Variants in GRIN2A observed in about 807,000 individuals in gnomAD.
GRIN2A encodes the protein glutamate ionotropic receptor NMDA type subunit 2A, also known as glutamate receptor ionotropic, NMDA 2A.
GRIN2A carries 22 observed loss-of-function variants against 113.4 expected under a neutral mutation model. The ratio of observed to expected loss-of-function variants is 0.19; its 90% confidence interval spans 0.14 to 0.28. The LOEUF is 0.28. GRIN2A is among the 10% of genes least tolerant of loss of function. The pLI, the probability that GRIN2A is intolerant of heterozygous loss-of-function variation, is 1.00. For missense variants in GRIN2A, 1,502 were observed against 1,887.0 expected, an observed-to-expected ratio of 0.80 and a Z score of 3.78; for synonymous variants, 827 against 738.4, an observed-to-expected ratio of 1.12 and a Z score of -1.94.
chr16:9,883,291 A>G (rs1221068174), intron 4 of GRIN2A, among the ~76,000 whole-genome samples: 1 of 152,236 alleles, frequency 6.6e-6, no homozygotes, highest in Non-Finnish European at 1.5e-5. Flanking sequence ...AGAGGGGTCC[A>G]TTTGTGCACT....
intron 11 of GRIN2A, among the ~76,000 whole-genome samples, chr16:9,772,294 C>T (rs1270544850): frequency 2.0e-5 from 3 of 152,200 alleles, no homozygotes; most frequent in Non-Finnish European, 4.4e-5. Context: ...ACGGCTGCTT[C>T]CTCTTCTCAC....
At chr16:9,771,051 G>A (rs1193585976) in intron 11 of GRIN2A, among the ~76,000 whole-genome samples, 3 of 152,198 alleles carry the variant, frequency 2.0e-5, no homozygotes, top group Non-Finnish European at 4.4e-5. Flanking sequence ...AACAATGAAT[G>A]AGAGAGCTCC....
chr16:9,825,970 G>A (rs201118870), intron 9 of GRIN2A, among the ~76,000 whole-genome samples: 82 of 151,334 alleles, frequency 5.4e-4, no homozygotes, highest in African/African-American at 1.9e-3. Flanking sequence ...GATGGAAGGA[G>A]TAGGAGGAGA....
chr16:9,951,655 G>A (rs2045184668), intron 2 of GRIN2A, among the ~76,000 whole-genome samples: 1 of 152,190 alleles, frequency 6.6e-6, no homozygotes, highest in Admixed American at 6.5e-5. Context: ...GGAAAAGGGA[G>A]AGATTTTAAC....
chr16:9,868,057 C>G (rs897546594), intron 4 of GRIN2A, among the ~76,000 whole-genome samples: 1 of 152,192 alleles, frequency 6.6e-6, no homozygotes, highest in African/African-American at 2.4e-5. Flanking sequence ...ATTCATCTCT[C>G]TTCTGCCACC....
rs1491080956 is a variant in GRIN2A at position 9,898,074 on chromosome 16, TTG to T, written c.1008-6976_1008-6975del. Reference sequence around the variant, plus strand: ...ATTTCCTTTTTTTTTTTTTTTTTTTTTGCAAAAATGGATTAAGTTAAACCATA... The same window carrying T: ...ATTTCCTTTTTTTTTTTTTTTTTTTTCAAAAATGGATTAAGTTAAACCATA... On this transcript the variant is annotated intron_variant, in intron 3 of 12. Transcript: ENST00000330684. 4.9e-3 allele frequency among the ~76,000 whole-genome samples: 697 copies of T among 142,438 alleles called. 6 individuals carry two copies. Among genetic ancestry groups the T allele is most frequent in the African/African-American group, 0.015 (542 of 36,852 alleles). 93.4% of individuals were successfully genotyped at this position (142,438 alleles called of 152,430 possible).
chr16:10,063,324 A>G (rs2047586599), intron 2 of GRIN2A, among the ~76,000 whole-genome samples: 1 of 152,206 alleles, frequency 6.6e-6, no homozygotes. Flanking sequence ...TATACCCATG[A>G]AACAACCCAG....
rs529896965 is a variant in GRIN2A, at chr16:10,061,536, A to G, written c.414+118462T>C. On this transcript the variant is annotated intron_variant, in intron 2 of 12. Coordinates refer to ENST00000330684, the MANE Select transcript of GRIN2A (RefSeq NM_001134407.3). Reference sequence around the variant, plus strand: ...TCAACTGTGTGTCTCACTTTGATTGATGGGGTGCCATCAAAAGCAAAATTT... The same window carrying G: ...TCAACTGTGTGTCTCACTTTGATTGGTGGGGTGCCATCAAAAGCAAAATTT... Among the ~76,000 whole-genome samples the G allele has an allele frequency of 3.2e-3, 493 of 152,288 alleles. 3 individuals carry two copies. Among genetic ancestry groups the G allele is most frequent in the Non-Finnish European group, 4.8e-3 (328 of 68,010 alleles).
chr16:10,156,080 C>T (rs947135767), intron 2 of GRIN2A, among the ~76,000 whole-genome samples: 1 of 152,198 alleles, frequency 6.6e-6, no homozygotes, highest in African/African-American at 2.4e-5. Context: ...GCCCAGGGTC[C>T]AGGAAAACTG....
chr16:10,005,539 C>G (rs1224711135), intron 2 of GRIN2A, among the ~76,000 whole-genome samples: 2 of 152,166 alleles, frequency 1.3e-5, no homozygotes, highest in African/African-American at 4.8e-5. Flanking sequence ...AAGAGGTAAA[C>G]TGGGGGGGTC....
chr16:10,177,105 C>T (rs1018450376), intron 2 of GRIN2A, among the ~76,000 whole-genome samples: 2 of 152,168 alleles, frequency 1.3e-5, no homozygotes, highest in Admixed American at 1.3e-4. Flanking sequence ...GAGTTTTAAA[C>T]AATGCACCGT....
At chr16:10,111,944 C>A (rs2048623253) in intron 2 of GRIN2A, 1 of 737,680 alleles carries the variant, frequency 1.4e-6, no homozygotes, top group African/African-American at 1.7e-5. Context: ...CTGATGGTGG[C>A]TCCAGCAGGC....
chr16:9,809,899 C>T (rs1181289220), intron 10 of GRIN2A, among the ~76,000 whole-genome samples: 1 of 152,150 alleles, frequency 6.6e-6, no homozygotes, highest in African/African-American at 2.4e-5. Flanking sequence ...GAAGCCCCAT[C>T]TCTACTAAAA....
intron 4 of GRIN2A, among the ~76,000 whole-genome samples, chr16:9,862,261 T>C (rs1408406238): frequency 3.9e-5 from 6 of 152,240 alleles, no homozygotes; most frequent in African/African-American, 1.4e-4. Flanking sequence ...TTAATTAAAT[T>C]CCTCTCAGTT....
intron 2 of GRIN2A, among the ~76,000 whole-genome samples, chr16:10,056,902 G>A (rs1463045973): frequency 1.3e-5 from 2 of 152,106 alleles, no homozygotes; most frequent in African/African-American, 2.4e-5. Context: ...GAAGTTTGCA[G>A]GACTTTGTTG....
At chr16:9,833,052 T>A (rs1485746288) in intron 8 of GRIN2A, among the ~76,000 whole-genome samples, 3 of 152,210 alleles carry the variant, frequency 2.0e-5, no homozygotes, top group Non-Finnish European at 4.4e-5. Flanking sequence ...CTCTACCATA[T>A]CAAGTCATTT....
chr16:9,769,228 A>G (rs1901107721), intron 11 of GRIN2A, 139 bp from the exon 12 acceptor site: 5 of 716,106 alleles, frequency 7.0e-6, no homozygotes, highest in East Asian at 2.6e-5. Flanking sequence ...CTGGGTTTCC[A>G]TTTGCTCACT....
intron 12 of GRIN2A, among the ~76,000 whole-genome samples, chr16:9,766,559 T>G (rs1900934647): frequency 6.6e-6 from 1 of 152,164 alleles, no homozygotes; most frequent in South Asian, 2.1e-4. Context: ...TGTGGTCTCC[T>G]TCTATATATA....
At chr16:9,991,231 T>C (rs12102487) in intron 2 of GRIN2A, among the ~76,000 whole-genome samples, 4,032 of 152,216 alleles carry the variant, frequency 0.026, 189 homozygotes, top group African/African-American at 0.093. Context: ...TAATATCAGG[T>C]AGTATTATTA....
Sources: allele counts gnomAD v4.1 joint callset (sites outside exome capture counted in the v4.1 genomes callset), GRCh38; gene constraint gnomAD v4.1.1; transcripts MANE v1.5; gene names NCBI Gene and HGNC (gene_info 2026-07-23, HGNC 2026-07-21).